The following FAM20B variants were observed in gnomAD, a reference collection of about 807,000 sequenced individuals.
The protein encoded by FAM20B is glycosaminoglycan xylosylkinase.
In FAM20B, 23 loss-of-function variants were observed where a neutral mutation model predicts 43.8. That is an observed-to-expected ratio of 0.53 (90% CI 0.38 to 0.74). FAM20B has a LOEUF of 0.74. FAM20B is among the 30% of genes least tolerant of loss of function. FAM20B has a pLI of 0.00. For missense variants in FAM20B, 440 were observed against 510.5 expected (o/e 0.86, Z 1.33); for synonymous variants, 178 against 192.4 (o/e 0.93, Z 0.62).
the FAM20B span, among the ~76,000 whole-genome samples, chr1:179,017,708 A>G: frequency 8.5e-5 from 13 of 152,216 alleles, no homozygotes; most frequent in African/African-American, 2.9e-4. Context: ...AGGGCAATAC[A>G]GTCACACAGC....
chr1:179,021,464 A>G (rs954062139), upstream of FAM20B, among the ~76,000 whole-genome samples: 2 of 152,234 alleles, frequency 1.3e-5, no homozygotes, highest in African/African-American at 4.8e-5. Flanking sequence ...GGCATTAGAG[A>G]AATTCATAAC....
At chr1:179,044,356 A>G (rs1198876233) in intron 2 of FAM20B, 132 bp downstream of exon 2, 2 of 994,314 alleles carry the variant, frequency 2.0e-6, no homozygotes. Flanking sequence ...CTAGATCTCT[A>G]AAGTCTTTTC....
At chr1:179,029,901 A>G (rs1649937027) in intron 1 of FAM20B, among the ~76,000 whole-genome samples, 1 of 152,240 alleles carries the variant, frequency 6.6e-6, no homozygotes, top group African/African-American at 2.4e-5. Flanking sequence ...TTACTAGCAT[A>G]CTGGCAGTAG....
In FAM20B at chr1:179,075,075, C is replaced by T. The variant is rs1169427901; in HGVS notation, c.*2931C>T. 2 of 151,996 alleles carry T rather than the reference C, an allele frequency of 1.3e-5. No homozygotes were observed. The highest frequency in any genetic ancestry group is 2.9e-5 in the Non-Finnish European group (2 of 68,038). The allele number at this position is 151,996 out of a possible 1,614,324, so 9.4% of individuals were successfully genotyped here. On this transcript the variant is annotated 3_prime_UTR_variant, in exon 8 of 8. Transcript: ENST00000263733. ...GGCACGGTGGCATGCGCCTGTAGTC[C>T]CAGCTACTCGGGAGGCTGAGGCAGG... is the stretch of plus-strand genomic sequence containing the variant.
At chr1:179,019,933 A>G in the FAM20B span, among the ~76,000 whole-genome samples, 1 of 152,056 alleles carries the variant, frequency 6.6e-6, no homozygotes, top group African/African-American at 2.4e-5. Flanking sequence ...TATTTCACCC[A>G]TGGGCCCCAG....
At chr1:179,061,838 C>T (rs1302564993) in intron 4 of FAM20B, among the ~76,000 whole-genome samples, 1 of 152,152 alleles carries the variant, frequency 6.6e-6, no homozygotes, top group African/African-American at 2.4e-5. Context: ...TCACTATGAG[C>T]TACAATTTAT....
rs1433220128 is a variant in FAM20B, at chr1:179,074,899, A to T, written c.*2755A>T. Reference sequence around the variant, plus strand: ...TAAAATTTCAAACACTGTTTGAAAGAAGAGGTGGGGGCCGGGTGCCGTGGC... The same window carrying T: ...TAAAATTTCAAACACTGTTTGAAAGTAGAGGTGGGGGCCGGGTGCCGTGGC... On this transcript the variant is annotated 3_prime_UTR_variant, in exon 8 of 8. Coordinates refer to ENST00000263733, the MANE Select transcript of FAM20B (RefSeq NM_014864.4). 1 of 152,204 alleles carries T rather than the reference A, an allele frequency of 6.6e-6. No homozygotes were observed. The highest frequency in any genetic ancestry group is 2.4e-5 in the African/African-American group (1 of 41,444). 9.4% of individuals were successfully genotyped at this position (152,204 alleles called of 1,614,324 possible).
At chr1:179,066,905 C>T (rs923990483) in intron 7 of FAM20B, 46 bp downstream of exon 7, 4 of 1,358,422 alleles carry the variant, frequency 2.9e-6, no homozygotes, top group Non-Finnish European at 4.2e-6. Context: ...GCCTTCTTTT[C>T]CAGGCTCAGG....
intron 1 of FAM20B, among the ~76,000 whole-genome samples, chr1:179,027,662 A>G (rs896476031): frequency 3.3e-5 from 5 of 152,246 alleles, no homozygotes; most frequent in African/African-American, 1.2e-4. Flanking sequence ...GATAAAGTGC[A>G]GTGATAAATA....
chr1:179,031,558 T>C (rs1650014168), intron 1 of FAM20B, among the ~76,000 whole-genome samples: 2 of 152,234 alleles, frequency 1.3e-5, no homozygotes, highest in African/African-American at 4.8e-5. Flanking sequence ...AAAGACTACC[T>C]TAATGCTTCA....
intron 1 of FAM20B, among the ~76,000 whole-genome samples, chr1:179,037,794 T>G (rs547726263): frequency 6.6e-6 from 1 of 152,264 alleles, no homozygotes; most frequent in East Asian, 1.9e-4. Context: ...GCCAGTTCCC[T>G]TAATGTAAAT....
At chr1:179,035,544 T>A (rs1317962481) in intron 1 of FAM20B, 1 of 653,412 alleles carries the variant, frequency 1.5e-6, no homozygotes, top group Admixed American at 1.8e-5. Flanking sequence ...GATGAATTTC[T>A]TAATGGCCTT....
chr1:179,066,141 A>G (rs77998749), intron 6 of FAM20B, among the ~76,000 whole-genome samples: 2,009 of 152,258 alleles, frequency 0.013, 60 homozygotes, highest in African/African-American at 0.045. Flanking sequence ...TGGAGGACCT[A>G]CACTGTACTA....
chr1:179,064,630 T>C, intron 6 of FAM20B, 134 bp downstream of exon 6: 1 of 678,010 alleles, frequency 1.5e-6, no homozygotes, highest in Non-Finnish European at 2.5e-6. Context: ...TTGGAGTCTT[T>C]GCTATTGGTA....
chr1:179,035,173 T>C, intron 1 of FAM20B: 2 of 373,234 alleles, frequency 5.4e-6, no homozygotes, highest in South Asian at 4.7e-5. Flanking sequence ...TATCACATGA[T>C]CTGTAGACCC....
rs756429948 is a variant in FAM20B, at chr1:179,066,847, A to G, written c.986A>G (p.Tyr329Cys). 9 of 1,611,468 alleles carry G rather than the reference A, an allele frequency of 5.6e-6. No homozygotes were observed. Among genetic ancestry groups the G allele is most frequent in the African/African-American group, 5.3e-5 (4 of 74,860 alleles). ...GAAAGAAGCATTCTTGCCCCTCTCT[A>G]TCAGTGTTGCATGTAAGTTATGCAC... ...LDERSILAPLYQCCIIRVSTW... is the reference protein window; with the variant it reads ...LDERSILAPLCQCCIIRVSTW... Residue 329 changes from tyrosine (Y) to cysteine (C), a missense_variant, in exon 7 of 8, where the codon TAT becomes TGT. Physicochemically the swap from Tyr to Cys is radical, Grantham distance 194 (BLOSUM62 -2). Coordinates refer to ENST00000263733, the MANE Select transcript of FAM20B (RefSeq NM_014864.4).
At chr1:179,046,795 G>C (rs1343455083) in intron 2 of FAM20B, among the ~76,000 whole-genome samples, 1 of 152,110 alleles carries the variant, frequency 6.6e-6, no homozygotes, top group African/African-American at 2.4e-5. Flanking sequence ...CTGAGGTCAG[G>C]AGTTCGAGAC....
chr1:179,056,972 G>A (rs1285874014), intron 4 of FAM20B, among the ~76,000 whole-genome samples: 1 of 152,116 alleles, frequency 6.6e-6, no homozygotes, highest in African/African-American at 2.4e-5. Flanking sequence ...AAGTTAGGTT[G>A]GTTGTTTTCT....
At chr1:179,035,380 TG>T in intron 1 of FAM20B, 1 of 707,232 alleles carries the variant, frequency 1.4e-6, no homozygotes. Context: ...TCGGTCCTCG[TG>T]GGCTTCATGA....
Sources: gnomAD v4.1 joint callset for allele counts (sites outside exome capture counted in the v4.1 genomes callset) on GRCh38, gnomAD v4.1.1 for gene constraint, MANE v1.5 for transcripts, NCBI Gene and HGNC (gene_info 2026-07-23, HGNC 2026-07-21) for gene names.